Variants in NTSR2 observed in about 807,000 individuals in gnomAD.
NTSR2 encodes neurotensin receptor 2.
NTSR2 carries 22 observed loss-of-function variants against 24.1 expected under a neutral mutation model. The observed-to-expected ratio is 0.91, with a 90% confidence interval of 0.65 to 1.30. The LOEUF is 1.30. Ranked by LOEUF, NTSR2 falls within the 50% of genes most tolerant of loss-of-function variation. NTSR2 has a pLI of 0.00. For synonymous variants in NTSR2, 291 were observed against 267.0 expected, an observed-to-expected ratio of 1.09 and a Z score of -0.88; for missense variants, 570 against 570.4, an observed-to-expected ratio of 1.00 and a Z score of 0.01.
chr2:11,669,460 G>GGGGGGGGGGGGCCCCCCCCCCCCC, intron 1 of NTSR2, 46 bp downstream of exon 1: 10 of 254,722 alleles, frequency 3.9e-5, no homozygotes, highest in Non-Finnish European at 5.5e-5. Flanking sequence ...TCCCAGCACC[G>GGGGGGGGGGGGCCCCCCCCCCCCC]CCCCCCCACC....
chr2:11,665,070 T>G (rs12997300), intron 1 of NTSR2, among the ~76,000 whole-genome samples: 51,546 of 139,276 alleles, frequency 0.37, 10,271 homozygotes, highest in South Asian at 0.56. Context: ...TTTTTTTTTT[T>G]TTTTTTTTTT....
chr2:11,662,374 T>C, intron 1 of NTSR2, 134 bp from the exon 2 acceptor site: 1 of 857,978 alleles, frequency 1.2e-6, no homozygotes, highest in South Asian at 3.7e-5. Flanking sequence ...GTTGAGAAAG[T>C]TCTCAAAAAG....
chr2:11,662,574 G>A (rs1661100946), intron 1 of NTSR2, among the ~76,000 whole-genome samples: 1 of 152,200 alleles, frequency 6.6e-6, no homozygotes, highest in Non-Finnish European at 1.5e-5. Flanking sequence ...GAGGTCAGGA[G>A]ATCGAGACCA....
In NTSR2 at chr2:11,669,944, G is replaced by C. The variant is rs572448656; in HGVS notation, c.186C>G (p.Ala62=). Residue 62 remains alanine, a synonymous_variant, in exon 1 of 4, where the codon GCC becomes GCG. Coordinates refer to ENST00000306928, the MANE Select transcript of NTSR2 (RefSeq NM_012344.4). The part of the protein sequence containing the change: ...LSAHVVLKAR[A]GRAGRLRHHV... Reference sequence around the variant, plus strand: ...GGTGGCGCAGGCGCCCCGCGCGCCCGGCCCGCGCCTTCAGCACCACGTGCG... The same window carrying C: ...GGTGGCGCAGGCGCCCCGCGCGCCCCGCCCGCGCCTTCAGCACCACGTGCG... The C allele has an allele frequency of 6.6e-6, 10 of 1,513,702 alleles. No individual in the cohort carries two copies. Among genetic ancestry groups the C allele is most frequent in the Non-Finnish European group, 8.8e-6 (10 of 1,137,892 alleles). 93.8% of individuals were successfully genotyped at this position (1,513,702 alleles called of 1,614,324 possible).
At position 11,669,984 on chromosome 2, in the gene NTSR2, C is replaced by T. The variant is rs1291406482; in HGVS notation, c.146G>A (p.Gly49Asp). Residue 49 changes from glycine to aspartate, a missense_variant, in exon 1 of 4, where the codon GGC becomes GAC. Gly to Asp is a moderately conservative substitution (Grantham distance 94). Transcript: ENST00000306928. The part of the protein sequence containing the change: ...YALIWALGAA[G>D]NALSAHVVLK... ...CACCACGTGCGCGGACAGCGCATTG[C>T]CCGCCGCGCCCAGCGCCCAGATGAG... 2 of 1,512,062 alleles carry T rather than the reference C, an allele frequency of 1.3e-6. No homozygotes were observed. The highest frequency in any genetic ancestry group is 8.8e-7 in the Non-Finnish European group (1 of 1,136,816). The allele number at this position is 1,512,062 out of a possible 1,614,324, so 93.7% of individuals were successfully genotyped here.
chr2:11,668,327 T>C (rs941967637), intron 1 of NTSR2, among the ~76,000 whole-genome samples: 10 of 152,006 alleles, frequency 6.6e-5, no homozygotes, highest in African/African-American at 2.4e-4. Context: ...GGAGAGGGTA[T>C]AGGAAGAGAG....
In NTSR2 at chr2:11,670,038, G is replaced by A; in HGVS notation, c.92C>T (p.Ala31Val). Residue 31 changes from alanine (A) to valine (V), a missense_variant, in exon 1 of 4, where the codon GCC becomes GTC. Physicochemically the swap from Ala to Val is moderately conservative, Grantham distance 64. Coordinates refer to ENST00000306928, the MANE Select transcript of NTSR2 (RefSeq NM_012344.4). ...ARLGVDTRLW[A>V]KVLFTALYAL... ...GTAGAGCGCGGTGAACAGCACCTTG[G>A]CCCAGAGGCGAGTGTCCACGCCCAG... 6.6e-7 allele frequency: 1 copy of A among 1,504,190 alleles called. No homozygotes were observed. The highest frequency in any genetic ancestry group is 8.8e-7 in the Non-Finnish European group (1 of 1,133,038). The allele number at this position is 1,504,190 out of a possible 1,614,324, so 93.2% of individuals were successfully genotyped here.
At chr2:11,660,325 A>C (rs1324450531) in intron 2 of NTSR2, among the ~76,000 whole-genome samples, 192 bp from the exon 3 acceptor site, 3 of 152,186 alleles carry the variant, frequency 2.0e-5, no homozygotes, top group South Asian at 2.1e-4. Flanking sequence ...CTCAAACCTC[A>C]TGTGATCCTG....
chr2:11,669,841 AC>A lies in NTSR2; in HGVS notation c.288del (p.Trp96CysfsTer29). On this transcript the variant is annotated frameshift_variant, in exon 1 of 4. Transcript: ENST00000306928. LOFTEE classifies it high-confidence loss of function. ...GVPVELYSFV[W>X]FHYPWVFGDL... The stretch of plus-strand genomic sequence containing the variant: ...TCGCCGAAGACCCAGGGGTAGTGGA[AC>A]CACACGAAGCTGTAGAGCTCCACCG... 6.3e-7 allele frequency: 1 copy of A among 1,583,796 alleles called. No individual in the cohort carries two copies. Among genetic ancestry groups the A allele is most frequent in the South Asian group, 1.1e-5 (1 of 88,054 alleles).
At chr2:11,669,459 C>CCGGGCGGGG in intron 1 of NTSR2, 47 bp downstream of exon 1, 4 of 337,892 alleles carry the variant, frequency 1.2e-5, no homozygotes, top group Non-Finnish European at 5.3e-6. Flanking sequence ...CTCCCAGCAC[C>CCGGGCGGGG]GCCCCCCCAC....
rs1388532944 is a variant in NTSR2 at position 11,658,286 on chromosome 2, A to G, written c.*193T>C. 11 of 626,944 alleles carry G rather than the reference A, an allele frequency of 1.8e-5. No homozygotes were observed. Among genetic ancestry groups the G allele is most frequent in the Non-Finnish European group, 2.9e-5 (11 of 373,928 alleles). The allele number at this position is 626,944 out of a possible 1,614,324, so 38.8% of individuals were successfully genotyped here. Reference sequence around the variant, plus strand: ...GGGTGCTGTTCTTTATCTCCACTACACAGACGAGGGAGCCTGAGGCTAGGA... The same window carrying G: ...GGGTGCTGTTCTTTATCTCCACTACGCAGACGAGGGAGCCTGAGGCTAGGA... On this transcript the variant is annotated 3_prime_UTR_variant, in exon 4 of 4. Transcript: ENST00000306928.
chr2:11,666,578 A>C (rs927113578), intron 1 of NTSR2, among the ~76,000 whole-genome samples: 6 of 152,156 alleles, frequency 3.9e-5, no homozygotes, highest in South Asian at 2.1e-4. Flanking sequence ...ACGTGCCTGT[A>C]GTCTCAGCTA....
At chr2:11,667,398 G>C (rs1661228417) in intron 1 of NTSR2, among the ~76,000 whole-genome samples, 1 of 152,146 alleles carries the variant, frequency 6.6e-6, no homozygotes, top group South Asian at 2.1e-4. Context: ...CCCCGCTGGA[G>C]TGCAGTGATG....
At chr2:11,666,738 G>A (rs974116123) in intron 1 of NTSR2, among the ~76,000 whole-genome samples, 3 of 152,112 alleles carry the variant, frequency 2.0e-5, no homozygotes, top group Non-Finnish European at 4.4e-5. Flanking sequence ...GGCAAATGGA[G>A]CTGAGTTATT....
chr2:11,665,073 T>G (rs1381166528), intron 1 of NTSR2, among the ~76,000 whole-genome samples: 10 of 149,598 alleles, frequency 6.7e-5, no homozygotes, highest in South Asian at 2.1e-4. Context: ...TTTTTTTTTT[T>G]TTTTTTTTTT....
intron 1 of NTSR2, among the ~76,000 whole-genome samples, chr2:11,667,886 A>G (rs971611149): frequency 6.6e-6 from 1 of 152,214 alleles, no homozygotes; most frequent in Non-Finnish European, 1.5e-5. Flanking sequence ...TGAGCAAGGG[A>G]TCTCTGGGCT....
chr2:11,665,055 GTTTTT>G (rs34751276), intron 1 of NTSR2, among the ~76,000 whole-genome samples: 1,570 of 106,626 alleles, frequency 0.015, 33 homozygotes, highest in African/African-American at 0.065. Context: ...CTTTGGCACT[GTTTTT>G]TTTTTTTTTT....
chr2:11,662,107 C>A lies in NTSR2; in HGVS notation c.758G>T (p.Arg253Leu), dbSNP rs748928719. ...ACCCTCCTCACTCAGCAGCTCCAGGCGGCTGGGGGTGGAGCTGCCCGGGGT... is the reference window on the plus strand; with the variant it reads ...ACCCTCCTCACTCAGCAGCTCCAGGAGGCTGGGGGTGGAGCTGCCCGGGGT... ...TSTPGSSTPSRLELLSEEGLL... is the reference protein window; with the variant it reads ...TSTPGSSTPSLLELLSEEGLL... Residue 253 changes from arginine (R) to leucine (L), a missense_variant, in exon 2 of 4, where the codon CGC (arginine) becomes CTC (leucine). Arg to Leu is a moderately radical substitution (Grantham distance 102, BLOSUM62 -2). Coordinates refer to ENST00000306928, the MANE Select transcript of NTSR2 (RefSeq NM_012344.4). 5.6e-6 allele frequency: 9 copies of A among 1,613,134 alleles called. No homozygotes were observed. The highest frequency in any genetic ancestry group is 7.6e-6 in the Non-Finnish European group (9 of 1,179,760).
Position 11,658,633 on chromosome 2 carries a change from G to A in NTSR2, c.1079C>T (p.Ala360Val). ...GAGTTTTCTGAAGGAGGAGGACACG[G>A]CGTTGTAGAGAAGAGGAGTCACAGC... The part of the protein sequence containing the change: ...SSAVTPLLYN[A>V]VSSSFRKLFL... The change falls in exon 4 of 4, where the codon GCC (alanine) becomes GTC (valine). Residue 360 changes from alanine to valine, a missense_variant. Physicochemically the swap from Ala to Val is moderately conservative, Grantham distance 64. Transcript: ENST00000306928. 3 of 1,614,186 alleles carry A rather than the reference G, an allele frequency of 1.9e-6. No individual in the cohort carries two copies. Among genetic ancestry groups the A allele is most frequent in the Non-Finnish European group, 2.5e-6 (3 of 1,180,032 alleles).
Sources: gnomAD v4.1 joint callset for allele counts (sites outside exome capture counted in the v4.1 genomes callset) on GRCh38, gnomAD v4.1.1 for gene constraint, MANE v1.5 for transcripts, NCBI Gene and HGNC (gene_info 2026-07-23, HGNC 2026-07-21) for gene names.